SLC6A3: variants seen among roughly 807,000 people sequenced by gnomAD.
SLC6A3 encodes the protein sodium-dependent dopamine transporter.
A neutral mutation model predicts 70.4 loss-of-function variants in SLC6A3; 19 were observed. The observed-to-expected ratio is 0.27, with a 90% CI of 0.19 to 0.40. The LOEUF is 0.40. Ranked by LOEUF, SLC6A3 falls within the 10% of genes least tolerant of loss-of-function variation. SLC6A3 has a pLI of 1.00. For synonymous variants in SLC6A3, 368 were observed against 356.6 expected (o/e 1.03, Z -0.36); for missense variants, 613 against 838.5 (o/e 0.73, Z 3.32).
intron 4 of SLC6A3, among the ~76,000 whole-genome samples, chr5:1,423,207 G>A (rs1243960974): frequency 2.2e-5 from 1 of 45,164 alleles, no homozygotes; most frequent in Non-Finnish European, 3.8e-5. Flanking sequence ...GCTGCCCATG[G>A]TGCTGGGTAC....
At chr5:1,400,110 C>T (rs1184739149) in intron 14 of SLC6A3, among the ~76,000 whole-genome samples, 1 of 152,226 alleles carries the variant, frequency 6.6e-6, no homozygotes, top group Non-Finnish European at 1.5e-5. Flanking sequence ...GCATTGGACT[C>T]TGCTGTCGGC....
At chr5:1,410,483 C>T (rs1278875910) in intron 9 of SLC6A3, among the ~76,000 whole-genome samples, 1 of 151,888 alleles carries the variant, frequency 6.6e-6, no homozygotes, top group Non-Finnish European at 1.5e-5. Context: ...ATTCTGGGTT[C>T]TTTGGTCCCA....
At chr5:1,403,913 G>A (rs1755910142) in intron 12 of SLC6A3, among the ~76,000 whole-genome samples, 1 of 152,200 alleles carries the variant, frequency 6.6e-6, no homozygotes, top group Admixed American at 6.5e-5. Flanking sequence ...TCCTCCATGT[G>A]CCTACATATG....
intron 3 of SLC6A3, among the ~76,000 whole-genome samples, chr5:1,434,449 G>T (rs1320274259): frequency 6.6e-6 from 1 of 152,238 alleles, no homozygotes; most frequent in Non-Finnish European, 1.5e-5. Flanking sequence ...CATTTATGGG[G>T]TCTCCTGGTA....
intron 11 of SLC6A3, among the ~76,000 whole-genome samples, chr5:1,407,240 A>G (rs1210789950): frequency 6.6e-6 from 1 of 152,128 alleles, no homozygotes; most frequent in Non-Finnish European, 1.5e-5. Flanking sequence ...ATTTGGGGCA[A>G]GTCTTGCGGT....
chr5:1,430,131 C>A (rs1756661533), intron 4 of SLC6A3, among the ~76,000 whole-genome samples: 1 of 152,152 alleles, frequency 6.6e-6, no homozygotes, highest in Admixed American at 6.5e-5. Context: ...TCTCTCCCGC[C>A]TGCCCCACCT....
At position 1,408,303 on chromosome 5, in the gene SLC6A3, A is replaced by C. The variant is rs1328530862; in HGVS notation, c.1498+723T>G. Among the ~76,000 whole-genome samples, 1 of 151,156 alleles carries C rather than the reference A, an allele frequency of 6.6e-6. No individual in the cohort carries two copies. The highest frequency in any genetic ancestry group is 2.4e-5 in the African/African-American group (1 of 40,932). On this transcript the variant is annotated intron_variant, in intron 11 of 14. Coordinates refer to ENST00000270349, the MANE Select transcript of SLC6A3 (RefSeq NM_001044.5). This position sits in a 1 kb window ranked among gnomAD's most constrained non-coding sequence, Gnocchi z 6.4. ...GTGATCTGCCCACCTCGGCCTCCCAAAGTGCTGGGATTACAGGCGTGAGTC... is the reference window on the plus strand; with the variant it reads ...GTGATCTGCCCACCTCGGCCTCCCACAGTGCTGGGATTACAGGCGTGAGTC...
In SLC6A3 at chr5:1,437,907, G is replaced by A. The variant is rs542344192; in HGVS notation, c.418+3452C>T. Among the ~76,000 whole-genome samples, 110 of 152,290 alleles carry A rather than the reference G, an allele frequency of 7.2e-4. No individual in the cohort carries two copies. The highest frequency in any genetic ancestry group is 1.3e-3 in the Non-Finnish European group (89 of 68,024). ...CTTCTATTCAATGAGACATGAAAACGTATGCATTTTTATTAACCAGATTTT... is the reference window on the plus strand; with the variant it reads ...CTTCTATTCAATGAGACATGAAAACATATGCATTTTTATTAACCAGATTTT... On this transcript the variant is annotated intron_variant, in intron 3 of 14. Coordinates refer to ENST00000270349, the MANE Select transcript of SLC6A3 (RefSeq NM_001044.5). The surrounding 1 kb of genome is among the most constrained non-coding windows in gnomAD (Gnocchi z 4.8).
chr5:1,411,231 C>T lies in SLC6A3; in HGVS notation c.1269+12G>A, dbSNP rs367687282. The T allele has an allele frequency of 1.9e-4, 290 of 1,528,374 alleles. No individual in the cohort carries two copies. The highest frequency in any genetic ancestry group is 9.1e-4 in the East Asian group (37 of 40,814). The allele number at this position is 1,528,374 out of a possible 1,614,324, so 94.7% of individuals were successfully genotyped here. On this transcript the variant is annotated intron_variant, in intron 9 of 14. Transcript: ENST00000270349. This position sits in a 1 kb window ranked among gnomAD's most constrained non-coding sequence, Gnocchi z 6.5. ...CTGCCGAGGACAGGGCCGGGCGGTGCGGGTTACTCACGGCGCTGTCGATAC... is the reference window on the plus strand; with the variant it reads ...CTGCCGAGGACAGGGCCGGGCGGTGTGGGTTACTCACGGCGCTGTCGATAC...
intron 4 of SLC6A3, among the ~76,000 whole-genome samples, chr5:1,422,817 C>T (rs1306662840): frequency 1.2e-5 from 1 of 86,818 alleles, no homozygotes; most frequent in African/African-American, 5.4e-5. Context: ...CCCACCGCTG[C>T]CCACAGTGCT....
intron 4 of SLC6A3, among the ~76,000 whole-genome samples, chr5:1,423,571 C>T (rs539925505): frequency 3.9e-5 from 6 of 152,338 alleles, no homozygotes; most frequent in South Asian, 2.1e-4. Context: ...AGGAATCACT[C>T]GCAGTTCCAC....
intron 4 of SLC6A3, among the ~76,000 whole-genome samples, chr5:1,422,326 G>C (rs1429208100): frequency 2.7e-5 from 4 of 150,810 alleles, no homozygotes; most frequent in South Asian, 2.1e-4. Flanking sequence ...AGGAGCCACA[G>C]AAACCAAAAG....
intron 7 of SLC6A3, among the ~76,000 whole-genome samples, chr5:1,415,801 A>AG (rs1241717071): frequency 6.6e-6 from 1 of 151,890 alleles, no homozygotes; most frequent in Non-Finnish European, 1.5e-5. Context: ...TTGTGGAGGG[A>AG]GGGGCTGGCC....
In SLC6A3 at chr5:1,406,019, GGAGACTATA is replaced by G. The variant is rs1217942834; in HGVS notation, c.1599+160_1599+168del. 6.6e-6 allele frequency among the ~76,000 whole-genome samples: 1 copy of G among 152,196 alleles called. No individual in the cohort carries two copies. Among genetic ancestry groups the G allele is most frequent in the East Asian group, 1.9e-4 (1 of 5,188 alleles). On this transcript the variant is annotated intron_variant, in intron 12 of 14. Coordinates refer to ENST00000270349, the MANE Select transcript of SLC6A3 (RefSeq NM_001044.5). The surrounding 1 kb of genome is among the most constrained non-coding windows in gnomAD (Gnocchi z 8.8). ...GAGGGGAGGGTGGAAGCCACCTTAA[GGAGACTATA>G]GATGAGTTCAGGGATCAGCCTGTCC...
intron 4 of SLC6A3, 61 bp downstream of exon 4, chr5:1,432,403 C>G (rs1756724103): frequency 7.7e-7 from 1 of 1,304,206 alleles, no homozygotes; most frequent in Non-Finnish European, 1.1e-6. Flanking sequence ...AACCAAGGGG[C>G]TACCATGGGG....
At chr5:1,412,864 C>G (rs1468246316) in intron 8 of SLC6A3, among the ~76,000 whole-genome samples, 1 of 152,198 alleles carries the variant, frequency 6.6e-6, no homozygotes, top group Non-Finnish European at 1.5e-5. Context: ...CAGACCTGGG[C>G]TCTCGCAGCT....
rs1398749385 is a variant in SLC6A3 at position 1,411,234 on chromosome 5, G to T, written c.1269+9C>A. On this transcript the variant is annotated intron_variant, in intron 9 of 14. Transcript: ENST00000270349. This position sits in a 1 kb window ranked among gnomAD's most constrained non-coding sequence, Gnocchi z 6.5. The stretch of plus-strand genomic sequence containing the variant: ...CCGAGGACAGGGCCGGGCGGTGCGG[G>T]TTACTCACGGCGCTGTCGATACCCA... 2.6e-6 allele frequency: 4 copies of T among 1,538,174 alleles called. No homozygotes were observed. In the African/African-American group the frequency reaches 4.1e-5, roughly 16 times the overall value.
Position 1,394,002 on chromosome 5 carries a change from C to T in SLC6A3, c.*733G>A, listed in dbSNP as rs981437749. 2.6e-5 allele frequency: 4 copies of T among 155,738 alleles called. No individual in the cohort carries two copies. Among genetic ancestry groups the T allele is most frequent in the Middle Eastern group, 5.1e-4 (1 of 1,948 alleles). 9.6% of individuals were successfully genotyped at this position (155,738 alleles called of 1,614,324 possible). On this transcript the variant is annotated 3_prime_UTR_variant, in exon 15 of 15. Coordinates refer to ENST00000270349, the MANE Select transcript of SLC6A3 (RefSeq NM_001044.5). The surrounding 1 kb of genome is among the most constrained non-coding windows in gnomAD (Gnocchi z 4.7). ...CACGCTCCTCTCAGGCCGTTCCCTA[C>T]ACCGCAAGGACCCACAGGCTGCCTG...
intron 4 of SLC6A3, among the ~76,000 whole-genome samples, chr5:1,428,541 G>A (rs1207241386): frequency 6.6e-6 from 1 of 152,198 alleles, no homozygotes; most frequent in African/African-American, 2.4e-5. Flanking sequence ...GTTCCTACAA[G>A]GAAGGGTTCC....
Sources: allele counts gnomAD v4.1 joint callset (sites outside exome capture counted in the v4.1 genomes callset), GRCh38; gene constraint gnomAD v4.1.1; non-coding constraint Gnocchi (gnomAD v3.1); transcripts MANE v1.5; gene names NCBI Gene and HGNC (gene_info 2026-07-23, HGNC 2026-07-21).